Variants in FMN2 observed in about 807,000 individuals in gnomAD.
FMN2 encodes formin 2, also known as formin-2.
In FMN2, 51 loss-of-function variants were observed where a neutral mutation model predicts 142.3. The ratio of observed to expected loss-of-function variants is 0.36; its 90% confidence interval spans 0.29 to 0.45. FMN2 has a LOEUF of 0.45. FMN2 is among the 20% of genes least tolerant of loss of function. The probability of loss-of-function intolerance (pLI) is 1.00; values close to 1 mark genes in which losing one functional copy is unlikely to be tolerated. For missense variants in FMN2, 1,936 were observed against 2,122.8 expected, an observed-to-expected ratio of 0.91 and a Z score of 1.73; for synonymous variants, 882 against 869.8, an observed-to-expected ratio of 1.01 and a Z score of -0.25.
At chr1:240,224,016 T>C (rs547182565) in intron 6 of FMN2, among the ~76,000 whole-genome samples, 4 of 152,172 alleles carry the variant, frequency 2.6e-5, no homozygotes, top group Non-Finnish European at 2.9e-5. Context: ...ATTTCTTATC[T>C]TCTGCTAGCT....
intron 6 of FMN2, among the ~76,000 whole-genome samples, chr1:240,233,209 C>T (rs532139131): frequency 6.6e-6 from 1 of 151,924 alleles, no homozygotes; most frequent in South Asian, 2.1e-4. Context: ...GGTGAAACCC[C>T]GTCTTTACTA....
At chr1:240,341,084 T>C (rs1466392067) in intron 13 of FMN2, among the ~76,000 whole-genome samples, 1 of 152,186 alleles carries the variant, frequency 6.6e-6, no homozygotes, top group Non-Finnish European at 1.5e-5. Flanking sequence ...TTCCTCAACA[T>C]TATCTTCTAA....
chr1:240,209,273 C>T (rs538898744), intron 5 of FMN2, among the ~76,000 whole-genome samples: 7 of 148,078 alleles, frequency 4.7e-5, no homozygotes, highest in African/African-American at 1.0e-4. Context: ...GGAGGGGGGA[C>T]GGAGTCTCGC....
chr1:240,420,682 C>T (rs953852952), intron 15 of FMN2, among the ~76,000 whole-genome samples: 7 of 152,076 alleles, frequency 4.6e-5, no homozygotes, highest in Non-Finnish European at 1.0e-4. Context: ...GGTGTGGACA[C>T]CAGGATATTT....
At chr1:240,108,293 G>A (rs1270258375) in intron 1 of FMN2, among the ~76,000 whole-genome samples, 2 of 152,096 alleles carry the variant, frequency 1.3e-5, no homozygotes, top group African/African-American at 4.8e-5. Context: ...ATTTATCCTT[G>A]TAGCAGTCTT....
At chr1:240,328,102 G>C (rs12722816) in intron 8 of FMN2, among the ~76,000 whole-genome samples, 40,031 of 140,472 alleles carry the variant, frequency 0.28, 5,608 homozygotes, top group South Asian at 0.33. Flanking sequence ...GAGCAGATGT[G>C]GCGCCATTGT....
chr1:240,184,422 G>A (rs1006518385), intron 3 of FMN2, among the ~76,000 whole-genome samples: 1 of 150,990 alleles, frequency 6.6e-6, no homozygotes, highest in African/African-American at 2.4e-5. Flanking sequence ...TTTTAGTAGA[G>A]ACGGGGTTTC....
intron 6 of FMN2, among the ~76,000 whole-genome samples, chr1:240,223,118 G>A (rs1320198437): frequency 3.9e-5 from 6 of 152,148 alleles, no homozygotes; most frequent in Non-Finnish European, 5.9e-5. Flanking sequence ...ATTGGCTGTG[G>A]GTTTGTCATA....
At chr1:240,218,668 T>C (rs771190365) in intron 6 of FMN2, among the ~76,000 whole-genome samples, 4 of 152,154 alleles carry the variant, frequency 2.6e-5, no homozygotes, top group Non-Finnish European at 5.9e-5. Context: ...CCTCTTTAGT[T>C]TCACTGGAAA....
At chr1:240,119,891 T>C (rs1052797849) in intron 1 of FMN2, among the ~76,000 whole-genome samples, 1 of 152,194 alleles carries the variant, frequency 6.6e-6, no homozygotes, top group African/African-American at 2.4e-5. Context: ...AGGGCTATTT[T>C]CAGTAATTCG....
chr1:240,143,067 A>T (rs1009847795), intron 2 of FMN2: 5 of 1,501,190 alleles, frequency 3.3e-6, no homozygotes, highest in Non-Finnish European at 4.6e-6. Context: ...GCAGAGGGTA[A>T]GTGTACCCTT....
intron 15 of FMN2, among the ~76,000 whole-genome samples, chr1:240,411,210 T>C (rs1384395461): frequency 6.6e-6 from 1 of 152,220 alleles, no homozygotes; most frequent in Non-Finnish European, 1.5e-5. Flanking sequence ...ACTTGAAAAT[T>C]ATTTTCCTTT....
chr1:240,111,310 C>T (rs568231722), intron 1 of FMN2, among the ~76,000 whole-genome samples: 19 of 152,002 alleles, frequency 1.2e-4, no homozygotes, highest in African/African-American at 4.1e-4. Flanking sequence ...GGATCTTGTA[C>T]GAGAAAGAAT....
rs560464592 is a variant in FMN2 at position 240,096,752 on chromosome 1, C to T, written c.1615+3028C>T. Among the ~76,000 whole-genome samples, 3 of 152,226 alleles carry T rather than the reference C, an allele frequency of 2.0e-5. No individual in the cohort carries two copies. In the East Asian group the frequency reaches 5.8e-4, roughly 29 times the overall value. ...TACAGGAAGAAACAGATGTTTTTCG[C>T]TTTTTACCGCCTTCCAAATGTAGGG... On this transcript the variant is annotated intron_variant, in intron 1 of 17. Transcript: ENST00000319653.
At chr1:240,191,352 A>C (rs1665689473) in intron 4 of FMN2, among the ~76,000 whole-genome samples, 1 of 152,246 alleles carries the variant, frequency 6.6e-6, no homozygotes, top group Non-Finnish European at 1.5e-5. Context: ...GTTGCCAGAG[A>C]GTCTGATGCT....
At chr1:240,132,003 G>A (rs1309069517) in intron 2 of FMN2, among the ~76,000 whole-genome samples, 1 of 152,176 alleles carries the variant, frequency 6.6e-6, no homozygotes, top group Non-Finnish European at 1.5e-5. Context: ...TGAAACAGAG[G>A]CAGTGGGATT....
intron 2 of FMN2, among the ~76,000 whole-genome samples, chr1:240,139,292 G>A (rs1663079942): frequency 2.3e-5 from 1 of 43,684 alleles, no homozygotes; most frequent in African/African-American, 1.2e-4. Flanking sequence ...AATTCACAAT[G>A]AGGAGCAGGT....
chr1:240,369,071 T>C (rs1672777937), intron 14 of FMN2, among the ~76,000 whole-genome samples: 1 of 152,100 alleles, frequency 6.6e-6, no homozygotes, highest in Admixed American at 6.5e-5. Flanking sequence ...TACTGCTGAA[T>C]AGACAGATCT....
chr1:240,325,804 A>G (rs573972543), intron 8 of FMN2, among the ~76,000 whole-genome samples: 1 of 152,306 alleles, frequency 6.6e-6, no homozygotes, highest in South Asian at 2.1e-4. Context: ...GCACAGTGTT[A>G]AAGTGCTGGC....
Sources: gnomAD v4.1 joint callset for allele counts (sites outside exome capture counted in the v4.1 genomes callset) on GRCh38, gnomAD v4.1.1 for gene constraint, MANE v1.5 for transcripts, NCBI Gene and HGNC (gene_info 2026-07-23, HGNC 2026-07-21) for gene names.